Variants in SLC8A1 observed in about 807,000 individuals in gnomAD.
SLC8A1 encodes the protein solute carrier family 8 member A1, also known as sodium/calcium exchanger 1.
SLC8A1 carries 18 observed loss-of-function variants against 68.3 expected under a neutral mutation model. That is an observed-to-expected ratio of 0.26 (90% confidence interval 0.18 to 0.39). The LOEUF is 0.39. Ranked by LOEUF, SLC8A1 falls within the 10% of genes least tolerant of loss-of-function variation. The pLI, the probability that SLC8A1 is intolerant of heterozygous loss-of-function variation, is 1.00. For synonymous variants in SLC8A1, 475 were observed against 415.5 expected, an observed-to-expected ratio of 1.14 and a Z score of -1.74; for missense variants, 985 against 1,156.7, an observed-to-expected ratio of 0.85 and a Z score of 2.15.
chr2:40,115,448 G>A, exon 8 of SLC8A1: 2 of 1,614,182 alleles, frequency 1.2e-6, no homozygotes, highest in Non-Finnish European at 1.7e-6. Flanking sequence ...GAGTGACAGA[G>A]AAAGCTAGTG....
At chr2:40,176,623 T>C (rs1422867842) in intron 3 of SLC8A1, among the ~76,000 whole-genome samples, 2 of 152,236 alleles carry the variant, frequency 1.3e-5, no homozygotes, top group South Asian at 2.1e-4. Context: ...ACATACGTGT[T>C]TTTTCCCCAC....
At chr2:40,101,707 A>G (rs890096223) in exon 8 of SLC8A1, 1 of 152,152 alleles carries the variant, frequency 6.6e-6, no homozygotes, top group Non-Finnish European at 1.5e-5. Context: ...AAGGGAAAGC[A>G]TAATTAAGCA....
intron 2 of SLC8A1, among the ~76,000 whole-genome samples, chr2:40,328,870 C>T (rs1020357995): frequency 1.3e-5 from 2 of 152,090 alleles, no homozygotes; most frequent in Non-Finnish European, 2.9e-5. Flanking sequence ...CCCCTTCAAT[C>T]TGTGGTCTAC....
At chr2:40,223,804 A>T (rs980685635) in intron 2 of SLC8A1, 49 of 151,492 alleles carry the variant, frequency 3.2e-4, no homozygotes, top group African/African-American at 1.1e-3. Flanking sequence ...TTAAGTAACT[A>T]TTTTTTTTTA....
At chr2:40,244,778 T>A (rs984538896) in intron 2 of SLC8A1, among the ~76,000 whole-genome samples, 16 of 152,108 alleles carry the variant, frequency 1.1e-4, no homozygotes, top group Admixed American at 6.5e-5. Flanking sequence ...GAGGATTAGT[T>A]AGCAGAGCAG....
At chr2:40,420,051 G>T (rs1040121998) in intron 2 of SLC8A1, among the ~76,000 whole-genome samples, 1 of 152,082 alleles carries the variant, frequency 6.6e-6, no homozygotes, top group Non-Finnish European at 1.5e-5. Context: ...GTGATTTTAG[G>T]TAGAATTTTT....
intron 2 of SLC8A1, among the ~76,000 whole-genome samples, chr2:40,179,222 G>A (rs1245671529): frequency 6.6e-6 from 1 of 152,184 alleles, no homozygotes; most frequent in African/African-American, 2.4e-5. Flanking sequence ...GCAGGTGCGA[G>A]TCATGATGTT....
chr2:40,235,042 A>T (rs1402407883), intron 2 of SLC8A1, among the ~76,000 whole-genome samples: 1 of 152,042 alleles, frequency 6.6e-6, no homozygotes, highest in Non-Finnish European at 1.5e-5. Flanking sequence ...TTCATCAAGG[A>T]TATTGGTCTA....
intron 6 of SLC8A1, among the ~76,000 whole-genome samples, chr2:40,154,569 C>T (rs1333115980): frequency 6.7e-5 from 10 of 149,946 alleles, no homozygotes; most frequent in African/African-American, 2.5e-4. Context: ...CCTCATGATC[C>T]GCCTGCCTCA....
At chr2:40,492,169 G>C (rs546611717) in intron 1 of SLC8A1, among the ~76,000 whole-genome samples, 2 of 152,122 alleles carry the variant, frequency 1.3e-5, no homozygotes, top group South Asian at 4.2e-4. Flanking sequence ...GAACAGAACA[G>C]AGCCCTCAGA....
At chr2:40,303,966 G>A (rs2072067816) in intron 2 of SLC8A1, among the ~76,000 whole-genome samples, 1 of 152,146 alleles carries the variant, frequency 6.6e-6, no homozygotes, top group Admixed American at 6.5e-5. Flanking sequence ...TCTAGGTCAT[G>A]TTTAGGTTGT....
rs778680607 is a variant in SLC8A1 at position 40,424,701 on chromosome 2, AT to A, written c.1808+3771del. On this transcript the variant is annotated intron_variant, in intron 2 of 7. Transcript: ENST00000406785. ...CTGGTAAGCTGATATTCTAAGGAGT[AT>A]ATTAAGTAAATAATCTAACTTGCAT... Among the ~76,000 whole-genome samples the A allele has an allele frequency of 3.9e-5, 6 of 151,988 alleles. No homozygotes were observed. In the East Asian group the frequency reaches 9.6e-4, roughly 24 times the overall value.
intron 1 of SLC8A1, among the ~76,000 whole-genome samples, chr2:40,510,121 C>G (rs564020918): frequency 6.6e-6 from 1 of 152,068 alleles, no homozygotes; most frequent in African/African-American, 2.4e-5. Flanking sequence ...CCACCGTGCC[C>G]GGCCGCCATT....
chr2:40,466,820 G>A (rs1703701649), intron 1 of SLC8A1, among the ~76,000 whole-genome samples: 1 of 151,978 alleles, frequency 6.6e-6, no homozygotes, highest in South Asian at 2.1e-4. Context: ...AATACATGCT[G>A]CTTAATTTTT....
At chr2:40,178,430 A>G (rs1428164988) in intron 2 of SLC8A1, 1 of 1,613,204 alleles carries the variant, frequency 6.2e-7, no homozygotes, top group South Asian at 1.1e-5. Flanking sequence ...CTCCAATCTC[A>G]AGGAAGAAGG....
intron 2 of SLC8A1, among the ~76,000 whole-genome samples, chr2:40,363,953 G>GA (rs994962410): frequency 1.7e-4 from 26 of 151,596 alleles, no homozygotes; most frequent in East Asian, 5.8e-4. Context: ...ACTTCGGGGA[G>GA]AAAAAAATGA....
At chr2:40,149,259 A>T (rs2042992272) in intron 6 of SLC8A1, among the ~76,000 whole-genome samples, 1 of 152,242 alleles carries the variant, frequency 6.6e-6, no homozygotes, top group Non-Finnish European at 1.5e-5. Flanking sequence ...TTTATTGTCA[A>T]CTTATGTATC....
At chr2:40,332,659 T>C (rs1288303211) in intron 2 of SLC8A1, among the ~76,000 whole-genome samples, 2 of 152,150 alleles carry the variant, frequency 1.3e-5, no homozygotes, top group African/African-American at 4.8e-5. Flanking sequence ...AATCCAAAGG[T>C]CAAATATATA....
At chr2:40,341,881 C>G (rs1667806703) in intron 2 of SLC8A1, among the ~76,000 whole-genome samples, 1 of 152,090 alleles carries the variant, frequency 6.6e-6, no homozygotes, top group Non-Finnish European at 1.5e-5. Flanking sequence ...GTAGATTTAC[C>G]TTTAAGCAAA....
Sources: gnomAD v4.1 joint callset for allele counts (sites outside exome capture counted in the v4.1 genomes callset) on GRCh38, gnomAD v4.1.1 for gene constraint, MANE v1.5 for transcripts, NCBI Gene and HGNC (gene_info 2026-07-23, HGNC 2026-07-21) for gene names.